The following EXOC6B variants were observed in gnomAD, a reference collection of about 807,000 sequenced individuals.
The protein encoded by EXOC6B is exocyst complex component 6B.
Under a neutral mutation model 113.5 loss-of-function variants are expected in EXOC6B, and 54 were observed. The ratio of observed to expected loss-of-function variants is 0.48; its 90% confidence interval spans 0.38 to 0.60. The LOEUF is 0.60. Ranked by LOEUF, EXOC6B falls within the 20% of genes least tolerant of loss-of-function variation. EXOC6B has a pLI of 0.00. For synonymous variants in EXOC6B, 357 were observed against 339.0 expected, an observed-to-expected ratio of 1.05 and a Z score of -0.58; for missense variants, 797 against 977.5, an observed-to-expected ratio of 0.82 and a Z score of 2.46.
At chr2:72,355,479 G>A (rs1224695192) in intron 19 of EXOC6B, among the ~76,000 whole-genome samples, 2 of 152,080 alleles carry the variant, frequency 1.3e-5, no homozygotes, top group African/African-American at 2.4e-5. Flanking sequence ...TTAACCAGTC[G>A]AACAAGCAAG....
intron 20 of EXOC6B, among the ~76,000 whole-genome samples, chr2:72,246,671 TCTCA>T (rs1299204684): frequency 1.3e-5 from 2 of 151,772 alleles, no homozygotes; most frequent in Non-Finnish European, 2.9e-5. Flanking sequence ...CCATGCAGGG[TCTCA>T]CTGTGTTTCT....
At chr2:72,741,238 A>G in intron 2 of EXOC6B, 66 bp downstream of exon 2, 2 of 1,463,978 alleles carry the variant, frequency 1.4e-6, no homozygotes, top group Non-Finnish European at 9.2e-7. Context: ...ATAATCCTTA[A>G]TCCTTTAATC....
chr2:72,506,449 T>C (rs1278457488), intron 11 of EXOC6B, among the ~76,000 whole-genome samples: 2 of 152,194 alleles, frequency 1.3e-5, no homozygotes, highest in Admixed American at 1.3e-4. Context: ...AATCCAAGTT[T>C]GAGTTATGAA....
At chr2:72,631,453 TATATATATAGAGAGAGAGAGAGAGAG>T (rs1261166852) in intron 6 of EXOC6B, among the ~76,000 whole-genome samples, 66 of 33,948 alleles carry the variant, frequency 1.9e-3, no homozygotes, top group African/African-American at 6.0e-3. Context: ...TATATATATA[TATATATATAGAGAGAGAGAGAGAGAG>T]AGAGAGAGAG....
At chr2:72,730,166 A>G (rs144739410) in intron 5 of EXOC6B, among the ~76,000 whole-genome samples, 113 of 152,292 alleles carry the variant, frequency 7.4e-4, no homozygotes, top group African/African-American at 2.6e-3. Flanking sequence ...AATCCTCTGA[A>G]TTTAACCTCA....
At chr2:72,307,340 T>G (rs10194216) in intron 20 of EXOC6B, among the ~76,000 whole-genome samples, 54,817 of 151,402 alleles carry the variant, frequency 0.36, 16,163 homozygotes, top group African/African-American at 0.82. Context: ...TGGAGACAGG[T>G]TTTCACCATG....
intron 1 of EXOC6B, among the ~76,000 whole-genome samples, chr2:72,820,960 G>A (rs1351041724): frequency 6.6e-6 from 1 of 151,276 alleles, no homozygotes; most frequent in Non-Finnish European, 1.5e-5. Context: ...TCAAAAGCAT[G>A]AAACAAAATA....
intron 1 of EXOC6B, among the ~76,000 whole-genome samples, chr2:72,817,155 T>G (rs888804333): frequency 6.6e-6 from 1 of 152,206 alleles, no homozygotes; most frequent in African/African-American, 2.4e-5. Flanking sequence ...TAAGCTTTAT[T>G]TATATAACAT....
intron 11 of EXOC6B, among the ~76,000 whole-genome samples, chr2:72,512,367 A>G (rs1850395): frequency 0.18 from 2,288 of 12,848 alleles, 216 homozygotes; most frequent in Middle Eastern, 0.33. Context: ...AAGGAAGGAA[A>G]GAAGGAAGGA....
chr2:72,720,346 G>T (rs923033288), intron 5 of EXOC6B, among the ~76,000 whole-genome samples: 2 of 152,062 alleles, frequency 1.3e-5, no homozygotes, highest in Non-Finnish European at 2.9e-5. Flanking sequence ...ACATTGTCAG[G>T]ACTTAAAAAG....
intron 18 of EXOC6B, among the ~76,000 whole-genome samples, chr2:72,449,794 C>G (rs1458539606): frequency 6.6e-6 from 1 of 152,142 alleles, no homozygotes; most frequent in Admixed American, 6.5e-5. Flanking sequence ...CCAGCACATA[C>G]AGGCAGAAGC....
chr2:72,547,609 T>G (rs1480002599), intron 8 of EXOC6B, among the ~76,000 whole-genome samples: 2 of 152,110 alleles, frequency 1.3e-5, no homozygotes, highest in African/African-American at 4.8e-5. Flanking sequence ...CATACACCCT[T>G]CCAGTGATAG....
intron 1 of EXOC6B, among the ~76,000 whole-genome samples, chr2:72,769,890 A>AG (rs1233344165): frequency 6.6e-6 from 1 of 152,196 alleles, no homozygotes; most frequent in Non-Finnish European, 1.5e-5. Context: ...ATAAGCACTT[A>AG]GGGAAAAAGA....
intron 20 of EXOC6B, among the ~76,000 whole-genome samples, chr2:72,193,659 A>C (rs1430161901): frequency 6.6e-6 from 1 of 152,206 alleles, no homozygotes; most frequent in East Asian, 1.9e-4. Flanking sequence ...GTTCAAAAGA[A>C]GGGCATCTAA....
At chr2:72,471,446 G>A (rs1316774369) in intron 17 of EXOC6B, among the ~76,000 whole-genome samples, 1 of 152,050 alleles carries the variant, frequency 6.6e-6, no homozygotes, top group East Asian at 1.9e-4. Context: ...TTCTTTTGCT[G>A]TGCAGAAGCT....
Position 72,733,103 on chromosome 2 carries a change from T to A in EXOC6B, c.295A>T (p.Thr99Ser), listed in dbSNP as rs1241787996. 6.3e-7 allele frequency: 1 copy of A among 1,592,704 alleles called. No individual in the cohort carries two copies. Among genetic ancestry groups the A allele is most frequent in the Non-Finnish European group, 8.6e-7 (1 of 1,167,384 alleles). ...CCCTCATGTTGTAGTTTTCTATTAG[T>A]ATCCGTCACTTGATTCTGTGGAGAG... ...AQKLKNQVTD[T>S]NRKLQHEGKE... Residue 99 changes from threonine (T) to serine (S), a missense_variant, in exon 3 of 22, where the codon ACT becomes TCT. Thr to Ser is a moderately conservative substitution (Grantham distance 58). Coordinates refer to ENST00000272427, the MANE Select transcript of EXOC6B (RefSeq NM_015189.3).
At chr2:72,766,846 C>T (rs1040468758) in intron 1 of EXOC6B, among the ~76,000 whole-genome samples, 1 of 150,270 alleles carries the variant, frequency 6.7e-6, no homozygotes, top group African/African-American at 2.5e-5. Context: ...CCCAGCTACT[C>T]GGGAGGCTGA....
chr2:72,382,440 T>A (rs1691741189), intron 18 of EXOC6B, among the ~76,000 whole-genome samples: 1 of 152,202 alleles, frequency 6.6e-6, no homozygotes, highest in African/African-American at 2.4e-5. Context: ...TGTAGCCCTG[T>A]GGTATAGTTT....
chr2:72,593,993 GT>G (rs759139145), intron 6 of EXOC6B, among the ~76,000 whole-genome samples: 2 of 152,104 alleles, frequency 1.3e-5, no homozygotes, highest in African/African-American at 2.4e-5. Flanking sequence ...TGTTGTTGCT[GT>G]TGTTAAGACA....
Sources: gnomAD v4.1 joint callset for allele counts (sites outside exome capture counted in the v4.1 genomes callset) on GRCh38, gnomAD v4.1.1 for gene constraint, MANE v1.5 for transcripts, NCBI Gene and HGNC (gene_info 2026-07-23, HGNC 2026-07-21) for gene names.